The following AKAP13 variants were observed in gnomAD, a reference collection of about 807,000 sequenced individuals.
The protein encoded by AKAP13 is A-kinase anchor protein 13.
A neutral mutation model predicts 264.5 loss-of-function variants in AKAP13; 80 were observed. The observed-to-expected ratio is 0.30, with a 90% confidence interval of 0.25 to 0.36. The LOEUF is 0.36. Ranked by LOEUF, AKAP13 falls within the 10% of genes least tolerant of loss-of-function variation. The pLI is 1.00. For missense variants in AKAP13, 3,712 were observed against 3,435.2 expected (o/e 1.08, Z -2.01); for synonymous variants, 1,380 against 1,250.2 (o/e 1.10, Z -2.19).
intron 4 of AKAP13, among the ~76,000 whole-genome samples, chr15:85,539,165 G>A (rs2077502586): frequency 6.6e-6 from 1 of 152,080 alleles, no homozygotes; most frequent in Non-Finnish European, 1.5e-5. Context: ...CATCACTGCT[G>A]AAAAGAAAAT....
chr15:85,635,363 TAAATA>T, intron 8 of AKAP13, among the ~76,000 whole-genome samples: 1 of 152,194 alleles, frequency 6.6e-6, no homozygotes, highest in Non-Finnish European at 1.5e-5. Context: ...TATATCTTTT[TAAATA>T]AAATGTTTAT....
intron 2 of AKAP13, among the ~76,000 whole-genome samples, chr15:85,507,638 A>T (rs531422258): frequency 6.6e-6 from 1 of 152,380 alleles, no homozygotes; most frequent in Admixed American, 6.5e-5. Context: ...GACAGAGGGC[A>T]TGACATTCTT....
At chr15:85,586,051 T>C (rs1397000210) in intron 8 of AKAP13, among the ~76,000 whole-genome samples, 1 of 152,226 alleles carries the variant, frequency 6.6e-6, no homozygotes, top group Non-Finnish European at 1.5e-5. Flanking sequence ...TGTTTTCTTA[T>C]AGATTATGCT....
At chr15:85,503,116 C>T (rs888466123) in intron 2 of AKAP13, among the ~76,000 whole-genome samples, 1 of 152,078 alleles carries the variant, frequency 6.6e-6, no homozygotes, top group African/African-American at 2.4e-5. Flanking sequence ...TACTTTATGT[C>T]GTGGTAAGGG....
rs866242121 is a variant in AKAP13, at chr15:85,570,262, C to T, written c.663-4869C>T. Among the ~76,000 whole-genome samples the T allele has an allele frequency of 2.0e-5, 3 of 151,876 alleles. No homozygotes were observed. In the South Asian group the frequency reaches 6.2e-4, roughly 32 times the overall value. ...GTTCAGGAGTTCAAGACCAGCCTGG[C>T]CAACATGGCAAAACCCCATCTCTAC... On this transcript the variant is annotated intron_variant, in intron 5 of 36. Coordinates refer to ENST00000394518, the MANE Select transcript of AKAP13 (RefSeq NM_007200.5).
intron 35 of AKAP13, among the ~76,000 whole-genome samples, chr15:85,742,094 G>C (rs1031457953): frequency 6.6e-6 from 1 of 152,204 alleles, no homozygotes; most frequent in Non-Finnish European, 1.5e-5. Flanking sequence ...GAGAGGCAGA[G>C]GCAGAAAGTC....
intron 8 of AKAP13, among the ~76,000 whole-genome samples, chr15:85,603,016 A>G (rs1316317974): frequency 1.3e-5 from 2 of 152,214 alleles, no homozygotes; most frequent in Non-Finnish European, 2.9e-5. Context: ...GCTTTCCAGA[A>G]TTTTCATTTT....
At chr15:85,425,097 G>A (rs1176116963) in intron 1 of AKAP13, among the ~76,000 whole-genome samples, 4 of 152,160 alleles carry the variant, frequency 2.6e-5, no homozygotes, top group African/African-American at 7.2e-5. Flanking sequence ...TTACCAAAAC[G>A]TGACACAGAG....
At chr15:85,443,821 GA>G (rs2073802970) in intron 1 of AKAP13, among the ~76,000 whole-genome samples, 2 of 151,280 alleles carry the variant, frequency 1.3e-5, no homozygotes, top group Admixed American at 1.3e-4. Context: ...TCTGGAGCCT[GA>G]TTTTTCCTTC....
intron 11 of AKAP13, among the ~76,000 whole-genome samples, chr15:85,656,540 G>A (rs376936493): frequency 1.3e-5 from 2 of 152,062 alleles, no homozygotes; most frequent in African/African-American, 2.4e-5. Context: ...TCTGCCTCCC[G>A]GGTTCACTCC....
chr15:85,516,435 C>G (rs1218879081), intron 2 of AKAP13, among the ~76,000 whole-genome samples: 4 of 152,188 alleles, frequency 2.6e-5, no homozygotes, highest in Admixed American at 1.3e-4. Flanking sequence ...CGGTGATACA[C>G]TAACAAGTTA....
chr15:85,502,486 T>A (rs999574314), intron 2 of AKAP13, among the ~76,000 whole-genome samples: 1 of 152,230 alleles, frequency 6.6e-6, no homozygotes, highest in Non-Finnish European at 1.5e-5. Flanking sequence ...CTGCACACCT[T>A]TATCAGTAGG....
chr15:85,721,955 C>T (rs762065752), intron 23 of AKAP13, 36 bp from the exon 24 acceptor site: 2 of 1,611,454 alleles, frequency 1.2e-6, no homozygotes, highest in South Asian at 1.1e-5. Context: ...GAGTTTGGCG[C>T]CCCATGGCAT....
At chr15:85,572,329 A>C (rs1005710837) in intron 5 of AKAP13, among the ~76,000 whole-genome samples, 1 of 152,190 alleles carries the variant, frequency 6.6e-6, no homozygotes, top group African/African-American at 2.4e-5. Flanking sequence ...ACAATAAGGC[A>C]TGTTAGTGAC....
At chr15:85,394,054 A>G (rs922435188) in intron 1 of AKAP13, among the ~76,000 whole-genome samples, 1 of 152,206 alleles carries the variant, frequency 6.6e-6, no homozygotes, top group Non-Finnish European at 1.5e-5. Flanking sequence ...ATTAACATTT[A>G]CACATTTGTT....
chr15:85,680,078 A>T (rs773620986), intron 14 of AKAP13, among the ~76,000 whole-genome samples: 1 of 152,216 alleles, frequency 6.6e-6, no homozygotes, highest in African/African-American at 2.4e-5. Context: ...TATTCCACAC[A>T]TATCTGCTGG....
intron 12 of AKAP13, among the ~76,000 whole-genome samples, chr15:85,661,169 C>T (rs1006516520): frequency 2.0e-5 from 3 of 151,978 alleles, no homozygotes; most frequent in African/African-American, 7.3e-5. Flanking sequence ...AATAAAAATC[C>T]CAACATTTCC....
chr15:85,425,024 G>C (rs773977451), intron 1 of AKAP13, among the ~76,000 whole-genome samples: 28 of 152,118 alleles, frequency 1.8e-4, no homozygotes, highest in Non-Finnish European at 3.4e-4. Context: ...AAACATAAAA[G>C]ATCAATGATC....
chr15:85,591,275 G>A (rs1384250917), intron 8 of AKAP13, among the ~76,000 whole-genome samples: 1 of 152,120 alleles, frequency 6.6e-6, no homozygotes, highest in African/African-American at 2.4e-5. Flanking sequence ...GTACACTTGG[G>A]AAGTCCCATC....
Sources: gnomAD v4.1 joint callset for allele counts (sites outside exome capture counted in the v4.1 genomes callset) on GRCh38, gnomAD v4.1.1 for gene constraint, MANE v1.5 for transcripts, NCBI Gene and HGNC (gene_info 2026-07-23, HGNC 2026-07-21) for gene names.